Variants in SLC7A9 observed in about 807,000 individuals in gnomAD.
SLC7A9 encodes B(0,+)-type amino acid transporter 1.
SLC7A9 carries 38 observed loss-of-function variants against 54.1 expected under a neutral mutation model. The ratio of observed to expected loss-of-function variants is 0.70; its 90% confidence interval spans 0.54 to 0.92. SLC7A9 has a LOEUF of 0.92. SLC7A9 is among the 40% of genes least tolerant of loss of function. SLC7A9 has a pLI of 0.00. For synonymous variants in SLC7A9, 264 were observed against 258.9 expected, an observed-to-expected ratio of 1.02 and a Z score of -0.19; for missense variants, 537 against 636.1, an observed-to-expected ratio of 0.84 and a Z score of 1.68.
At chr19:32,860,037 G>C in intron 7 of SLC7A9, 73 bp from the exon 8 acceptor site, 3 of 1,612,358 alleles carry the variant, frequency 1.9e-6, no homozygotes, top group South Asian at 2.2e-5. Flanking sequence ...CCCTCCCTGA[G>C]GCCCTCCCAG....
At chr19:32,843,249 G>A (rs1968180175) in intron 10 of SLC7A9, among the ~76,000 whole-genome samples, 1 of 152,092 alleles carries the variant, frequency 6.6e-6, no homozygotes, top group Non-Finnish European at 1.5e-5. Context: ...TTGAGGCCAG[G>A]AGTTCAAGAC....
intron 9 of SLC7A9, among the ~76,000 whole-genome samples, chr19:32,845,338 T>C (rs1599663045): frequency 6.7e-6 from 1 of 149,996 alleles, no homozygotes; most frequent in Admixed American, 6.6e-5. Context: ...TTACTAAAAA[T>C]ACAAAAATTA....
At chr19:32,852,567 T>C (rs901048671) in intron 9 of SLC7A9, among the ~76,000 whole-genome samples, 3 of 152,064 alleles carry the variant, frequency 2.0e-5, no homozygotes, top group African/African-American at 7.2e-5. Context: ...TGCAGTAAAA[T>C]TAGAAGTCAA....
chr19:32,862,392 GCTGCTC>G, intron 5 of SLC7A9, 63 bp downstream of exon 5: 1 of 1,601,626 alleles, frequency 6.2e-7, no homozygotes, highest in East Asian at 2.2e-5. Flanking sequence ...GTGGGGCAAG[GCTGCTC>G]CTGCTCCCAG....
intron 9 of SLC7A9, among the ~76,000 whole-genome samples, chr19:32,849,571 G>T (rs1198108713): frequency 6.6e-6 from 1 of 151,632 alleles, no homozygotes; most frequent in Non-Finnish European, 1.5e-5. Flanking sequence ...TCCAGGACCA[G>T]ATGGATTCAC....
chr19:32,846,497 A>C (rs1032161152), intron 9 of SLC7A9, among the ~76,000 whole-genome samples: 1 of 152,196 alleles, frequency 6.6e-6, no homozygotes, highest in Admixed American at 6.5e-5. Flanking sequence ...CCCAGGCTTG[A>C]TTAGGTAAAC....
At chr19:32,857,804 A>T (rs2145835515) in intron 9 of SLC7A9, among the ~76,000 whole-genome samples, 1 of 152,296 alleles carries the variant, frequency 6.6e-6, no homozygotes, top group African/African-American at 2.4e-5. Context: ...TCTAGACCAG[A>T]TGGGTCTAAA....
intron 9 of SLC7A9, among the ~76,000 whole-genome samples, chr19:32,853,359 T>C (rs1344203366): frequency 1.3e-5 from 2 of 152,216 alleles, no homozygotes; most frequent in Non-Finnish European, 2.9e-5. Flanking sequence ...TAGAATTGGA[T>C]TGTGATGTTT....
rs57317909 is a variant in SLC7A9, at chr19:32,868,230, CAAA to C, written c.87+215_87+217del. On this transcript the variant is annotated intron_variant, in intron 2 of 12. Coordinates refer to ENST00000023064, the MANE Select transcript of SLC7A9 (RefSeq NM_014270.5). ...TGGGTGACAGAGCAACACTCCATCT[CAAA>C]AAAAAAAAAAAAAAAAAGAAGATGC... Among the ~76,000 whole-genome samples the C allele has an allele frequency of 0.16, 13,752 of 87,988 alleles. 866 individuals carry two copies. Among genetic ancestry groups the C allele is most frequent in the African/African-American group, 0.3 (7,481 of 25,188 alleles). The allele number at this position is 87,988 out of a possible 152,430, so 57.7% of individuals were successfully genotyped here.
intron 9 of SLC7A9, among the ~76,000 whole-genome samples, chr19:32,857,687 T>C (rs1480377857): frequency 6.6e-6 from 1 of 152,084 alleles, no homozygotes; most frequent in Non-Finnish European, 1.5e-5. Flanking sequence ...TTCGAGGATG[T>C]TCACTGCGGC....
At chr19:32,843,754 G>A (rs1968195452) in intron 10 of SLC7A9, 101 bp downstream of exon 10, 81 of 796,752 alleles carry the variant, frequency 1.0e-4, no homozygotes, top group South Asian at 9.6e-4. Context: ...TCATAGCAAG[G>A]AATAAGGGCA....
At chr19:32,844,857 C>CAAAAAAAAAAAAAAAACAAAAAA in intron 9 of SLC7A9, among the ~76,000 whole-genome samples, 1 of 30,314 alleles carries the variant, frequency 3.3e-5, no homozygotes, top group African/African-American at 1.1e-4. Context: ...GAATCCATCT[C>CAAAAAAAAAAAAAAAACAAAAAA]AAAAAAAAAA....
chr19:32,833,119 A>G (rs1967854052), intron 12 of SLC7A9, 30 bp downstream of exon 12: 1 of 1,612,190 alleles, frequency 6.2e-7, no homozygotes, highest in South Asian at 1.1e-5. Flanking sequence ...CACCTCACAG[A>G]GGCCAAGCGG....
intron 3 of SLC7A9, 83 bp from the exon 4 acceptor site, chr19:32,864,421 G>C (rs1968901265): frequency 6.3e-7 from 1 of 1,590,112 alleles, no homozygotes; most frequent in Non-Finnish European, 8.6e-7. Flanking sequence ...ACCGGAGGCT[G>C]CGCTCGTATG....
rs371259916 is a variant in SLC7A9 at position 32,843,845 on chromosome 19, T to G, written c.1074+10A>C. On this transcript the variant is annotated intron_variant, in intron 10 of 12. Transcript: ENST00000023064. ...CTTGAAGATAGGCTGGTAGCGGGAT[T>G]TGTACTCACATAAAAGATGATGGCG... The G allele has an allele frequency of 2.5e-6, 4 of 1,605,264 alleles. No individual in the cohort carries two copies. In the African/African-American group the frequency reaches 5.4e-5, roughly 21 times the overall value.
At chr19:32,867,929 C>CAAAAA (rs57446079) in intron 2 of SLC7A9, among the ~76,000 whole-genome samples, 38 of 66,008 alleles carry the variant, frequency 5.8e-4, no homozygotes, top group East Asian at 1.7e-3. Context: ...GACTCTGTCT[C>CAAAAA]AAAAAAAAAA....
intron 2 of SLC7A9, 63 bp downstream of exon 2, chr19:32,868,385 G>T: frequency 8.1e-7 from 1 of 1,238,076 alleles, no homozygotes; most frequent in Non-Finnish European, 1.2e-6. Flanking sequence ...CACTGCCTGC[G>T]CCCCTCGTTC....
At chr19:32,847,841 G>T (rs2145819775) in intron 9 of SLC7A9, among the ~76,000 whole-genome samples, 1 of 152,276 alleles carries the variant, frequency 6.6e-6, no homozygotes, top group Non-Finnish European at 1.5e-5. Context: ...GGATCTCTTG[G>T]CAGAAACTCT....
Position 32,862,241 on chromosome 19 carries a change from C to T in SLC7A9, c.605-24G>A, listed in dbSNP as rs539283924. 3.2e-5 allele frequency: 51 copies of T among 1,580,046 alleles called. No homozygotes were observed. The Admixed American group carries it at 3.7e-4, about 11-fold the overall frequency. On this transcript the variant is annotated intron_variant, in intron 5 of 12. Transcript: ENST00000023064. ...TCCTGTAATGAAGCCAGACAGTGAACGGCGGGTGTCAACCGGGCAGATCTT... is the reference window on the plus strand; with the variant it reads ...TCCTGTAATGAAGCCAGACAGTGAATGGCGGGTGTCAACCGGGCAGATCTT...
Sources: gnomAD v4.1 joint callset for allele counts (sites outside exome capture counted in the v4.1 genomes callset) on GRCh38, gnomAD v4.1.1 for gene constraint, MANE v1.5 for transcripts, NCBI Gene and HGNC (gene_info 2026-07-23, HGNC 2026-07-21) for gene names.